ADCY2: variants seen among roughly 807,000 people sequenced by gnomAD.
ADCY2 encodes adenylate cyclase 2.
Under a neutral mutation model 125.2 loss-of-function variants are expected in ADCY2, and 31 were observed. That is an observed-to-expected ratio of 0.25 (90% CI 0.19 to 0.33). ADCY2 has a LOEUF of 0.33. Ranked by LOEUF, ADCY2 falls within the 10% of genes least tolerant of loss-of-function variation. ADCY2 has a pLI of 1.00. For missense variants in ADCY2, 904 were observed against 1,418.2 expected (o/e 0.64, Z 5.82); for synonymous variants, 512 against 548.4 (o/e 0.93, Z 0.93).
intron 4 of ADCY2, among the ~76,000 whole-genome samples, chr5:7,673,283 TATAA>T (rs1268483885): frequency 1.2e-5 from 1 of 85,188 alleles, no homozygotes; most frequent in East Asian, 2.8e-4. Flanking sequence ...TATATATATA[TATAA>T]AATTAGCCAG....
intron 3 of ADCY2, among the ~76,000 whole-genome samples, chr5:7,533,195 C>A (rs1424590970): frequency 1.3e-5 from 2 of 151,334 alleles, no homozygotes; most frequent in Non-Finnish European, 2.9e-5. Context: ...GACTTACTTT[C>A]TCTTCAGGAC....
intron 23 of ADCY2, among the ~76,000 whole-genome samples, chr5:7,818,998 A>G (rs1426527903): frequency 1.3e-5 from 2 of 152,190 alleles, no homozygotes; most frequent in Non-Finnish European, 2.9e-5. Context: ...CAAGCCGAGG[A>G]GCAAGGAAGC....
At chr5:7,444,053 G>A (rs1741125741) in intron 2 of ADCY2, among the ~76,000 whole-genome samples, 1 of 149,400 alleles carries the variant, frequency 6.7e-6, no homozygotes. Context: ...TGCTATTTTT[G>A]TCCTGTTCTC....
intron 2 of ADCY2, among the ~76,000 whole-genome samples, chr5:7,470,604 TTA>T (rs1252223168): frequency 6.8e-6 from 1 of 147,188 alleles, no homozygotes; most frequent in Non-Finnish European, 1.5e-5. Flanking sequence ...ATTAGGCTAT[TTA>T]TATATAGTTT....
At chr5:7,481,368 G>A (rs542762193) in intron 2 of ADCY2, among the ~76,000 whole-genome samples, 3 of 152,260 alleles carry the variant, frequency 2.0e-5, no homozygotes, top group South Asian at 2.1e-4. Flanking sequence ...CCGGGTTCAC[G>A]CCATTCTCTC....
At chr5:7,770,316 C>A (rs1435471639) in intron 17 of ADCY2, among the ~76,000 whole-genome samples, 2 of 152,264 alleles carry the variant, frequency 1.3e-5, no homozygotes, top group East Asian at 3.9e-4. Flanking sequence ...TACCCCAGGT[C>A]CCCACACACC....
chr5:7,819,087 G>T (rs1745213426), intron 23 of ADCY2, among the ~76,000 whole-genome samples: 1 of 152,144 alleles, frequency 6.6e-6, no homozygotes, highest in Admixed American at 6.5e-5. Context: ...GGAAGATGTA[G>T]GCTGGGAGGT....
intron 4 of ADCY2, among the ~76,000 whole-genome samples, chr5:7,634,119 G>C (rs1544938): frequency 0.15 from 22,758 of 151,992 alleles, 2,100 homozygotes; most frequent in East Asian, 0.44. Flanking sequence ...GCCTTTTAAT[G>C]GGGGGGAAAG....
chr5:7,407,308 G>A (rs1196476855), intron 1 of ADCY2, among the ~76,000 whole-genome samples: 1 of 152,182 alleles, frequency 6.6e-6, no homozygotes, highest in Non-Finnish European at 1.5e-5. Context: ...TGTATTAGTC[G>A]TTTTCACACT....
intron 16 of ADCY2, among the ~76,000 whole-genome samples, chr5:7,765,378 A>G (rs984458064): frequency 1.3e-5 from 2 of 152,198 alleles, no homozygotes; most frequent in African/African-American, 4.8e-5. Flanking sequence ...TTCCATTCGT[A>G]TAAGTTTTTC....
intron 12 of ADCY2, among the ~76,000 whole-genome samples, chr5:7,722,074 C>T (rs1022968533): frequency 4.6e-5 from 7 of 152,142 alleles, no homozygotes; most frequent in African/African-American, 1.7e-4. Flanking sequence ...ATCATTGCTG[C>T]AAGGGAGAAG....
At chr5:7,503,562 A>C (rs549266105) in intron 2 of ADCY2, among the ~76,000 whole-genome samples, 1 of 152,200 alleles carries the variant, frequency 6.6e-6, no homozygotes, top group Non-Finnish European at 1.5e-5. Context: ...GTTTTGACCC[A>C]CATGCTGCCG....
At chr5:7,397,052 T>C (rs1368131924) in intron 1 of ADCY2, among the ~76,000 whole-genome samples, 7 of 152,254 alleles carry the variant, frequency 4.6e-5, no homozygotes, top group Non-Finnish European at 1.0e-4. Context: ...CCTTTAAATC[T>C]GTATGCATTT....
chr5:7,823,695 A>T (rs1230096474), intron 24 of ADCY2, among the ~76,000 whole-genome samples: 1 of 152,164 alleles, frequency 6.6e-6, no homozygotes, highest in Non-Finnish European at 1.5e-5. Flanking sequence ...GATTTATGGC[A>T]GTTTTTAATA....
chr5:7,763,059 G>GT (rs1743278469), intron 16 of ADCY2, among the ~76,000 whole-genome samples: 1 of 148,144 alleles, frequency 6.8e-6, no homozygotes, highest in African/African-American at 2.5e-5. Context: ...TTTTTTGTTT[G>GT]TTTGTTTGTT....
intron 1 of ADCY2, among the ~76,000 whole-genome samples, chr5:7,403,074 T>C (rs1739328712): frequency 6.6e-6 from 1 of 152,290 alleles, no homozygotes; most frequent in South Asian, 2.1e-4. Flanking sequence ...AAGGTGCTGG[T>C]TTTTATTCCT....
chr5:7,804,441 A>G (rs1744697638), intron 21 of ADCY2, 144 bp from the exon 22 acceptor site: 1 of 690,612 alleles, frequency 1.4e-6, no homozygotes. Flanking sequence ...TTCCTGGAAA[A>G]GCCCAGGGCC....
At chr5:7,800,189 C>CA (rs1171110705) in intron 20 of ADCY2, 3 of 152,204 alleles carry the variant, frequency 2.0e-5, no homozygotes, top group Non-Finnish European at 4.4e-5. Flanking sequence ...GTACCAGCCT[C>CA]ACAGGGTTGT....
chr5:7,416,135 A>C (rs1366843420), intron 2 of ADCY2, among the ~76,000 whole-genome samples: 1 of 152,150 alleles, frequency 6.6e-6, no homozygotes, highest in African/African-American at 2.4e-5. Flanking sequence ...CCTCAGTTGG[A>C]AAGAGCCCAG....
Sources: allele counts gnomAD v4.1 joint callset (sites outside exome capture counted in the v4.1 genomes callset), GRCh38; gene constraint gnomAD v4.1.1; transcripts MANE v1.5; gene names NCBI Gene and HGNC (gene_info 2026-07-23, HGNC 2026-07-21).